The following TMEM272 variants were observed in gnomAD, a reference collection of about 807,000 sequenced individuals.
TMEM272 encodes transmembrane protein 272.
Under a neutral mutation model 3.7 loss-of-function variants are expected in TMEM272, and 8 were observed. That is an observed-to-expected ratio of 2.17 (90% CI 1.27 to 3.91). The LOEUF (loss-of-function observed/expected upper bound fraction) is 3.91, where lower values mean the gene tolerates loss of function less well. Among genes scored for constraint, TMEM272 ranks in the 30% most tolerant of loss-of-function variants. The pLI is 0.00. For synonymous variants in TMEM272, 63 were observed against 39.8 expected (o/e 1.58, Z -2.20); for missense variants, 166 against 91.5 (o/e 1.81, Z -3.32).
the TMEM272 span, chr13:51,908,652 T>C: frequency 6.7e-7 from 1 of 1,483,046 alleles, no homozygotes; most frequent in Non-Finnish European, 9.4e-7. Flanking sequence ...TCCACTGGAT[T>C]CCATTTCTGA....
the TMEM272 span, among the ~76,000 whole-genome samples, chr13:51,858,974 AAAG>A: frequency 3.3e-5 from 5 of 152,186 alleles, no homozygotes; most frequent in African/African-American, 1.2e-4. Flanking sequence ...ACATATTAAA[AAAG>A]AAGAACGGTT....
upstream of TMEM272, among the ~76,000 whole-genome samples, chr13:51,849,660 G>A (rs1303044611): frequency 2.0e-5 from 3 of 152,202 alleles, no homozygotes; most frequent in Non-Finnish European, 4.4e-5. Flanking sequence ...CCTGTGGGAG[G>A]ATGCGCGGAC....
chr13:51,847,554 A>G (rs1956313115), upstream of TMEM272, among the ~76,000 whole-genome samples: 1 of 152,238 alleles, frequency 6.6e-6, no homozygotes, highest in Non-Finnish European at 1.5e-5. Context: ...TGACCTTCAC[A>G]CAATGGCAAA....
At chr13:51,826,774 T>C in intron 2 of TMEM272, 149 bp from the exon 3 acceptor site, 2 of 639,322 alleles carry the variant, frequency 3.1e-6, no homozygotes, top group Non-Finnish European at 2.8e-6. Context: ...GCAGCTCGCC[T>C]GGGGCTCCCA....
chr13:51,922,532 G>C, the TMEM272 span, among the ~76,000 whole-genome samples: 2 of 152,200 alleles, frequency 1.3e-5, no homozygotes, highest in African/African-American at 4.8e-5. Flanking sequence ...CCTGCCAGGC[G>C]ACAGCAGTGA....
chr13:51,871,353 G>C, the TMEM272 span, among the ~76,000 whole-genome samples: 2 of 152,058 alleles, frequency 1.3e-5, no homozygotes, highest in Non-Finnish European at 2.9e-5. Context: ...ACCACACCCA[G>C]CTAATTTTTT....
At chr13:51,897,347 C>T in the TMEM272 span, among the ~76,000 whole-genome samples, 1 of 150,306 alleles carries the variant, frequency 6.7e-6, no homozygotes, top group African/African-American at 2.5e-5. Context: ...ACATGCATGC[C>T]ACCATGTCTG....
chr13:51,860,033 C>T, the TMEM272 span, among the ~76,000 whole-genome samples: 1 of 152,020 alleles, frequency 6.6e-6, no homozygotes, highest in East Asian at 1.9e-4. Flanking sequence ...GCTGGGACTA[C>T]AGGCATGCAC....
chr13:51,933,047 A>G, the TMEM272 span: 2 of 152,198 alleles, frequency 1.3e-5, no homozygotes, highest in Non-Finnish European at 2.9e-5. Context: ...TGCAAAAACT[A>G]TATGTAAAAA....
In TMEM272 at chr13:51,817,060, GGCCTTGGACAGCAGCC is replaced by G. The variant is rs1956037420; in HGVS notation, c.239_254del (p.Arg80ProfsTer3). ...CATCGTCATCGTCATCAATCACCAC[GGCCTTGGACAGCAGCC>G]GCCTCATCCTGGTGGAGTCGTACAA... On this transcript the variant is annotated frameshift_variant, in exon 5 of 5. Coordinates refer to ENST00000629372, the MANE Select transcript of TMEM272 (RefSeq NM_001351003.2). LOFTEE classifies it low-confidence loss of function (END_TRUNC). 2 of 702,840 alleles carry G rather than the reference GGCCTTGGACAGCAGCC, an allele frequency of 2.8e-6. No individual in the cohort carries two copies. Among genetic ancestry groups the G allele is most frequent in the Non-Finnish European group, 5.2e-6 (2 of 384,986 alleles). The allele number at this position is 702,840 out of a possible 1,614,324, so 43.5% of individuals were successfully genotyped here.
the TMEM272 span, among the ~76,000 whole-genome samples, chr13:51,856,922 A>G: frequency 2.0e-4 from 30 of 152,244 alleles, no homozygotes. Flanking sequence ...ATGGGATTAT[A>G]AAGGATAATA....
chr13:51,874,875 G>A, the TMEM272 span, among the ~76,000 whole-genome samples: 1 of 152,136 alleles, frequency 6.6e-6, no homozygotes, highest in African/African-American at 2.4e-5. Context: ...AATTTGAAAT[G>A]AGCTCTTAAG....
At chr13:51,909,285 T>TA in the TMEM272 span, 1 of 1,008,608 alleles carries the variant, frequency 9.9e-7, no homozygotes, top group Admixed American at 1.7e-5. Flanking sequence ...CTTCCCTTGA[T>TA]AAAAAAGAAT....
the TMEM272 span, among the ~76,000 whole-genome samples, chr13:51,914,841 CCCA>C: frequency 6.6e-6 from 1 of 152,200 alleles, no homozygotes; most frequent in African/African-American, 2.4e-5. Flanking sequence ...CCTTTTGAGG[CCCA>C]CGTTTGAACT....
At chr13:51,863,270 A>G in the TMEM272 span, among the ~76,000 whole-genome samples, 4 of 152,138 alleles carry the variant, frequency 2.6e-5, no homozygotes, top group African/African-American at 7.2e-5. Context: ...GGGCTGCACA[A>G]GGCCTTCCTA....
chr13:51,898,756 G>A, the TMEM272 span, among the ~76,000 whole-genome samples: 2 of 151,810 alleles, frequency 1.3e-5, no homozygotes, highest in South Asian at 4.2e-4. Context: ...GGAGTCCTTT[G>A]GGTCCTTTAA....
At chr13:51,930,393 A>C in the TMEM272 span, 13 of 152,188 alleles carry the variant, frequency 8.5e-5, no homozygotes, top group African/African-American at 2.9e-4. Flanking sequence ...TTGTCTTCAC[A>C]CAAAGAAAAA....
the TMEM272 span, among the ~76,000 whole-genome samples, chr13:51,923,717 G>T: frequency 1.3e-5 from 2 of 150,042 alleles, no homozygotes; most frequent in African/African-American, 4.9e-5. Context: ...AGAGGGGAGG[G>T]GAGGAGAGGA....
At chr13:51,855,065 T>G in the TMEM272 span, among the ~76,000 whole-genome samples, 5 of 152,198 alleles carry the variant, frequency 3.3e-5, no homozygotes, top group African/African-American at 1.2e-4. Context: ...GTGAAGATTC[T>G]TTTCCCTCAA....
Sources: allele counts gnomAD v4.1 joint callset (sites outside exome capture counted in the v4.1 genomes callset), GRCh38; gene constraint gnomAD v4.1.1; transcripts MANE v1.5; gene names NCBI Gene and HGNC (gene_info 2026-07-23, HGNC 2026-07-21).